The following TPP2 variants were observed in gnomAD, a reference collection of about 807,000 sequenced individuals.
TPP2 encodes tripeptidyl peptidase 2, also known as tripeptidyl-peptidase 2.
TPP2 carries 34 observed loss-of-function variants against 155.9 expected under a neutral mutation model. The observed-to-expected ratio is 0.22, with a 90% CI of 0.17 to 0.29. The LOEUF is 0.29. Among genes scored for constraint, TPP2 ranks in the 10% least tolerant of loss-of-function variants. The pLI, the probability that TPP2 is intolerant of heterozygous loss-of-function variation, is 1.00. For missense variants in TPP2, 1,028 were observed against 1,522.3 expected, an observed-to-expected ratio of 0.68 and a Z score of 5.40; for synonymous variants, 510 against 529.4, an observed-to-expected ratio of 0.96 and a Z score of 0.50.
intron 14 of TPP2, among the ~76,000 whole-genome samples, chr13:102,637,839 C>T (rs1242764809): frequency 6.6e-6 from 1 of 152,180 alleles, no homozygotes; most frequent in East Asian, 1.9e-4. Context: ...GTGTGAACCA[C>T]CACACCCAGC....
At chr13:102,657,801 T>G (rs1883957017) in intron 25 of TPP2, among the ~76,000 whole-genome samples, 1 of 152,168 alleles carries the variant, frequency 6.6e-6, no homozygotes, top group Non-Finnish European at 1.5e-5. Context: ...GTAAAAATCG[T>G]CTCGCTGTGT....
At position 102,679,358 on chromosome 13, in the gene TPP2, A is replaced by G. The variant is rs1885490573; in HGVS notation, c.*1042A>G. ...TTTTGTGCATATCTAACTTTTTATTATTTTTATCTTTGGCTACTGCACGTG... is the reference window on the plus strand; with the variant it reads ...TTTTGTGCATATCTAACTTTTTATTGTTTTTATCTTTGGCTACTGCACGTG... On this transcript the variant is annotated 3_prime_UTR_variant, in exon 30 of 30. Transcript: ENST00000376052. 1 of 152,116 alleles carries G rather than the reference A, an allele frequency of 6.6e-6. No homozygotes were observed. The allele number at this position is 152,116 out of a possible 1,614,324, so 9.4% of individuals were successfully genotyped here.
At chr13:102,633,880 T>A in intron 10 of TPP2, 70 bp from the exon 11 acceptor site, 2 of 1,598,918 alleles carry the variant, frequency 1.3e-6, no homozygotes, top group Non-Finnish European at 1.7e-6. Flanking sequence ...TAACCAGTGG[T>A]CGTCTTAAAA....
chr13:102,646,768 A>G (rs1883132729), intron 20 of TPP2, among the ~76,000 whole-genome samples: 1 of 152,222 alleles, frequency 6.6e-6, no homozygotes, highest in Non-Finnish European at 1.5e-5. Flanking sequence ...AGGTCAGAGT[A>G]GCTCCCAGGT....
chr13:102,645,076 A>G (rs1883013316), intron 19 of TPP2, 67 bp downstream of exon 19: 1 of 1,436,018 alleles, frequency 7.0e-7, no homozygotes. Context: ...TACACTCTTA[A>G]AAAAGGGCCT....
At chr13:102,612,156 G>A (rs1435036695) in intron 2 of TPP2, among the ~76,000 whole-genome samples, 1 of 152,170 alleles carries the variant, frequency 6.6e-6, no homozygotes, top group Non-Finnish European at 1.5e-5. Flanking sequence ...CATAATGAAT[G>A]ACTTGGCCAG....
At position 102,604,894 on chromosome 13, in the gene TPP2, T is replaced by C. The variant is rs548824934; in HGVS notation, c.267T>C (p.Ile89=). The change falls in exon 2 of 30, where the codon ATT becomes ATC. Residue 89 remains isoleucine, a synonymous_variant. Coordinates refer to ENST00000376052, the MANE Select transcript of TPP2 (RefSeq NM_001330588.2). ...AAGTAGAGCCAAAGGATGGTGAGAT[T>C]GTTGGCCTTTCAGGAAGAGTGCTTA... ...ATEVEPKDGE[I]VGLSGRVLKI... 1 of 1,614,014 alleles carries C rather than the reference T, an allele frequency of 6.2e-7. No individual in the cohort carries two copies. Among genetic ancestry groups the C allele is most frequent in the East Asian group, 2.2e-5 (1 of 44,876 alleles).
chr13:102,635,824 C>A, intron 12 of TPP2, 122 bp downstream of exon 12: 1 of 736,860 alleles, frequency 1.4e-6, no homozygotes. Flanking sequence ...GATTATATGG[C>A]CATAGAACTA....
intron 1 of TPP2, among the ~76,000 whole-genome samples, chr13:102,598,112 C>T (rs1029246799): frequency 2.0e-5 from 3 of 152,136 alleles, no homozygotes; most frequent in Non-Finnish European, 2.9e-5. Flanking sequence ...TGTTGTCTCT[C>T]GTTAAAAGCA....
At position 102,649,160 on chromosome 13, in the gene TPP2, T is replaced by G. The variant is rs1360956464; in HGVS notation, c.2873+9T>G. The G allele has an allele frequency of 6.3e-6, 10 of 1,594,014 alleles. No individual in the cohort carries two copies. Among genetic ancestry groups the G allele is most frequent in the Non-Finnish European group, 7.7e-6 (9 of 1,171,102 alleles). The stretch of plus-strand genomic sequence containing the variant: ...TCCTTACCTGATGATAAGTAAGTGA[T>G]AACATTGCTTATACTTACTGCCCAT... On this transcript the variant is annotated intron_variant, in intron 22 of 29. Coordinates refer to ENST00000376052, the MANE Select transcript of TPP2 (RefSeq NM_001330588.2).
intron 15 of TPP2, 27 bp from the exon 16 acceptor site, chr13:102,640,243 C>T: frequency 6.9e-7 from 1 of 1,449,386 alleles, no homozygotes; most frequent in Non-Finnish European, 9.5e-7. Context: ...TAAATATATA[C>T]ATTTAATTAC....
chr13:102,624,852 C>CTTTTTTTTTTTTTTTTTT (rs1029486604), intron 6 of TPP2, among the ~76,000 whole-genome samples: 6 of 83,426 alleles, frequency 7.2e-5, no homozygotes, highest in Non-Finnish European at 1.3e-4. Context: ...TTTTTTTTTC[C>CTTTTTTTTTTTTTTTTTT]TTTTTTTTTT....
chr13:102,609,967 A>C lies in TPP2; in HGVS notation c.295-4134A>C, dbSNP rs114588512. On this transcript the variant is annotated intron_variant, in intron 2 of 29. Transcript: ENST00000376052. ...GGGGCAATGGGAGTGCTCTTATACA[A>C]ATTTTCCGCCAGTCTTCTTAGTCAG... 8.7e-3 allele frequency among the ~76,000 whole-genome samples: 1,322 copies of C among 152,040 alleles called. 14 individuals carry two copies. The highest frequency in any genetic ancestry group is 0.029 in the African/African-American group (1,191 of 41,452).
At chr13:102,626,148 A>C (rs898894348) in intron 6 of TPP2, among the ~76,000 whole-genome samples, 1 of 152,186 alleles carries the variant, frequency 6.6e-6, no homozygotes, top group Admixed American at 6.5e-5. Context: ...GTTAACTACT[A>C]TCCTGATCTC....
intron 27 of TPP2, among the ~76,000 whole-genome samples, chr13:102,667,327 A>T (rs914835574): frequency 6.6e-5 from 10 of 152,174 alleles, no homozygotes; most frequent in Non-Finnish European, 1.5e-5. Context: ...TATTATCTTG[A>T]TGGATACCTA....
chr13:102,620,316 T>C (rs2139456269), intron 5 of TPP2, among the ~76,000 whole-genome samples: 1 of 152,332 alleles, frequency 6.6e-6, no homozygotes, highest in South Asian at 2.1e-4. Flanking sequence ...TTAAGTGAAA[T>C]AAAATCTGAA....
intron 26 of TPP2, 128 bp from the exon 27 acceptor site, chr13:102,664,667 C>T: frequency 1.1e-6 from 1 of 931,242 alleles, no homozygotes; most frequent in Non-Finnish European, 1.5e-6. Context: ...AGCCCCTGGG[C>T]TACAAGTCAA....
At chr13:102,603,148 T>G (rs1879559883) in intron 1 of TPP2, among the ~76,000 whole-genome samples, 3 of 152,220 alleles carry the variant, frequency 2.0e-5, no homozygotes, top group Admixed American at 2.0e-4. Context: ...ATCAAACCTT[T>G]GAAAATCAGT....
chr13:102,674,422 A>G lies in TPP2; in HGVS notation c.3511A>G (p.Ser1171Gly), dbSNP rs771539165. 6.2e-7 allele frequency: 1 copy of G among 1,613,966 alleles called. No individual in the cohort carries two copies. Among genetic ancestry groups the G allele is most frequent in the South Asian group, 1.1e-5 (1 of 91,076 alleles). ...DAEGKEEEGESPLDSLAETFW... is the reference protein window; with the variant it reads ...DAEGKEEEGEGPLDSLAETFW... The stretch of plus-strand genomic sequence containing the variant: ...AGAAGGAAAGGAGGAGGAAGGAGAA[A>G]GTCCTTTGGATTCTCTGGCAGAAAC... Residue 1171 changes from serine to glycine, a missense_variant, in exon 28 of 30, where the codon AGT becomes GGT. Ser to Gly is a moderately conservative substitution (Grantham distance 56). Around this residue, in one of 7 missense-constraint regions of TPP2, gnomAD observed 116 missense variants for 117.3 expected, o/e 0.99. Coordinates refer to ENST00000376052, the MANE Select transcript of TPP2 (RefSeq NM_001330588.2).
Sources: gnomAD v4.1 joint callset for allele counts (sites outside exome capture counted in the v4.1 genomes callset) on GRCh38, gnomAD v4.1.1 for gene constraint, gnomAD v4.1.1 regional missense constraint, MANE v1.5 for transcripts, NCBI Gene and HGNC (gene_info 2026-07-23, HGNC 2026-07-21) for gene names.